The following FCN2 variants were observed in gnomAD, a reference collection of about 807,000 sequenced individuals.
The protein encoded by FCN2 is ficolin 2, also known as ficolin-2.
A neutral mutation model predicts 32.5 loss-of-function variants in FCN2; 31 were observed. That is an observed-to-expected ratio of 0.96 (90% CI 0.72 to 1.29). The LOEUF is 1.29. FCN2 is among the 50% of genes most tolerant of loss of function. The pLI, the probability that FCN2 is intolerant of heterozygous loss-of-function variation, is 0.00. For synonymous variants in FCN2, 181 were observed against 164.5 expected (o/e 1.10, Z -0.77); for missense variants, 412 against 406.5 (o/e 1.01, Z -0.12).
At chr9:134,873,909 GTTT>G in the FCN2 span, among the ~76,000 whole-genome samples, 1 of 18,336 alleles carries the variant, frequency 5.5e-5, no homozygotes, top group Non-Finnish European at 1.0e-4. Flanking sequence ...GTTTTTTTTT[GTTT>G]TTGTTTTTTG....
chr9:134,873,127 G>T, the FCN2 span, among the ~76,000 whole-genome samples: 1 of 57,584 alleles, frequency 1.7e-5, no homozygotes, highest in African/African-American at 8.5e-5. Context: ...TAATTGGAGG[G>T]TTAGTTTTTT....
upstream of FCN2, among the ~76,000 whole-genome samples, chr9:134,876,704 G>A (rs1251417104): frequency 2.0e-5 from 3 of 152,106 alleles, no homozygotes; most frequent in Non-Finnish European, 4.4e-5. Context: ...TCAGCCTCCC[G>A]AGAAGCTGAG....
At chr9:134,872,911 G>A in the FCN2 span, among the ~76,000 whole-genome samples, 3 of 152,098 alleles carry the variant, frequency 2.0e-5, no homozygotes, top group African/African-American at 7.2e-5. Context: ...CAAGAGAAGC[G>A]GGTCCTCCAC....
intron 1 of FCN2, 118 bp from the exon 2 acceptor site, chr9:134,882,408 C>A: frequency 1.2e-6 from 1 of 858,600 alleles, no homozygotes; most frequent in Non-Finnish European, 2.0e-6. Context: ...CTATAGCCAT[C>A]TGCCCAGTCC....
rs10125317 is a variant in FCN2 at position 134,887,037 on chromosome 9, T to C, written c.695-131T>C. The C allele has an allele frequency of 8.9e-4, 942 of 1,056,058 alleles. 7 individuals are homozygous for C. In the African/African-American group the frequency reaches 0.013, roughly 14 times the overall value. 65.4% of individuals were successfully genotyped at this position (1,056,058 alleles called of 1,614,324 possible). On this transcript the variant is annotated intron_variant, in intron 7 of 7. Coordinates refer to ENST00000291744, the MANE Select transcript of FCN2 (RefSeq NM_004108.3). The stretch of plus-strand genomic sequence containing the variant: ...CACTGGAGTCATGGATTGCACTTCT[T>C]GGATTGTGCAGTGCACAACCTGCCT...
At chr9:134,870,607 A>C in the FCN2 span, among the ~76,000 whole-genome samples, 1 of 152,148 alleles carries the variant, frequency 6.6e-6, no homozygotes, top group Non-Finnish European at 1.5e-5. The surrounding 1 kb of genome is among the most constrained non-coding windows in gnomAD (Gnocchi z 4.3). Flanking sequence ...TGAGCAAAGG[A>C]GACCCTGCCC....
the FCN2 span, among the ~76,000 whole-genome samples, chr9:134,869,903 C>G: frequency 6.6e-6 from 1 of 152,150 alleles, no homozygotes; most frequent in Admixed American, 6.5e-5. Context: ...TCTGCAAGCA[C>G]CCATAGCCAG....
intron 3 of FCN2, 111 bp from the exon 4 acceptor site, chr9:134,884,629 A>G: frequency 9.0e-7 from 1 of 1,108,116 alleles, no homozygotes; most frequent in Non-Finnish European, 1.4e-6. Context: ...GGCTGGACCC[A>G]TACCATCACC....
chr9:134,885,177 C>T (rs896131816), intron 4 of FCN2, 62 bp from the exon 5 acceptor site: 3 of 1,610,274 alleles, frequency 1.9e-6, no homozygotes, highest in Non-Finnish European at 2.5e-6. Context: ...GGCCTCCCTC[C>T]TACTGCCTGT....
the FCN2 span, among the ~76,000 whole-genome samples, chr9:134,868,881 C>G: frequency 6.6e-6 from 1 of 152,238 alleles, no homozygotes; most frequent in Non-Finnish European, 1.5e-5. The surrounding 1 kb of genome is among the most constrained non-coding windows in gnomAD (Gnocchi z 4.3). Flanking sequence ...CTGGCTAAGA[C>G]AAAGCAGGGC....
In FCN2 at chr9:134,883,379, A is replaced by G. The variant is rs756682795; in HGVS notation, c.268+24A>G. The G allele has an allele frequency of 1.9e-6, 3 of 1,605,408 alleles. No individual in the cohort carries two copies. The East Asian group carries it at 6.7e-5, about 36-fold the overall frequency. ...CGGTAAGGAGGGGACAAGAGTGAGAAGCGGCTTCAAGGCCCTTCCAGACCT... is the reference window on the plus strand; with the variant it reads ...CGGTAAGGAGGGGACAAGAGTGAGAGGCGGCTTCAAGGCCCTTCCAGACCT... On this transcript the variant is annotated intron_variant, in intron 3 of 7. Transcript: ENST00000291744.
rs919586804 is a variant in FCN2, at chr9:134,885,644, G to A, written c.430-124G>A. 1,604 of 1,345,620 alleles carry A rather than the reference G, an allele frequency of 1.2e-3. 2 individuals are homozygous for A. The highest frequency in any genetic ancestry group is 1.5e-3 in the Non-Finnish European group (1,427 of 965,678). 83.4% of individuals were successfully genotyped at this position (1,345,620 alleles called of 1,614,324 possible). A position where few individuals can be genotyped will look rare whatever the true frequency, so the allele number is the denominator to read the frequency against. On this transcript the variant is annotated intron_variant, in intron 5 of 7. Transcript: ENST00000291744. ...GAGTCTGTGAGGAGAACAGGTGGGC[G>A]TGCTGGTGACCCCGCCTGTGATGCT...
Position 134,882,546 on chromosome 9 carries a change from G to T in FCN2, c.121G>T (p.Glu41Ter), listed in dbSNP as rs1023991619. 20 of 1,614,068 alleles carry T rather than the reference G, an allele frequency of 1.2e-5. No homozygotes were observed. The highest frequency in any genetic ancestry group is 1.7e-5 in the Non-Finnish European group (20 of 1,180,042). ...TGCAGAGGTGAAGATGGTGGGCCTG[G>T]AGGGCTCTGACAAGCTCACCATTCT... ...TCPEVKMVGL[E>*]GSDKLTILRG... Residue 41 changes from glutamate to a stop codon, truncating the protein, a stop_gained, in exon 2 of 8, where the codon GAG (glutamate) becomes TAG (stop). Coordinates refer to ENST00000291744, the MANE Select transcript of FCN2 (RefSeq NM_004108.3). LOFTEE classifies it high-confidence loss of function.
chr9:134,865,853 C>T, the FCN2 span, among the ~76,000 whole-genome samples: 1 of 152,078 alleles, frequency 6.6e-6, no homozygotes, highest in Non-Finnish European at 1.5e-5. Flanking sequence ...AACAGACAAA[C>T]AGAGAGCCAA....
chr9:134,870,140 G>C, the FCN2 span, among the ~76,000 whole-genome samples: 21 of 152,324 alleles, frequency 1.4e-4, no homozygotes, highest in Non-Finnish European at 2.5e-4. This position sits in a 1 kb window ranked among gnomAD's most constrained non-coding sequence, Gnocchi z 4.3. Flanking sequence ...GAGGTGGCTG[G>C]TGGCACCTGG....
intron 1 of FCN2, 68 bp from the exon 2 acceptor site, chr9:134,882,458 T>C: frequency 7.9e-7 from 1 of 1,261,140 alleles, no homozygotes; most frequent in African/African-American, 1.5e-5. Context: ...AGTTGAGTGG[T>C]ATATCTATGG....
chr9:134,880,269 G>T (rs72551119), upstream of FCN2, among the ~76,000 whole-genome samples: 1 of 152,116 alleles, frequency 6.6e-6, no homozygotes, highest in Non-Finnish European at 1.5e-5. Flanking sequence ...GGACACACAC[G>T]CATTTTCCTC....
upstream of FCN2, among the ~76,000 whole-genome samples, chr9:134,879,863 G>A (rs55726384): frequency 7.6e-4 from 115 of 152,200 alleles, no homozygotes; most frequent in African/African-American, 2.6e-3. Flanking sequence ...GGTGGTGGTA[G>A]TGGGAGGTGC....
chr9:134,880,122 C>T (rs553631710), upstream of FCN2, among the ~76,000 whole-genome samples: 27 of 152,256 alleles, frequency 1.8e-4, no homozygotes, highest in South Asian at 5.4e-3. Context: ...TCCCTACAGG[C>T]TAAGCCCCTG....
Sources: gnomAD v4.1 joint callset for allele counts (sites outside exome capture counted in the v4.1 genomes callset) on GRCh38, gnomAD v4.1.1 for gene constraint, Gnocchi (gnomAD v3.1) non-coding constraint, MANE v1.5 for transcripts, NCBI Gene and HGNC (gene_info 2026-07-23, HGNC 2026-07-21) for gene names.